Variants in CNBD1 observed in about 807,000 individuals in gnomAD.
CNBD1 encodes the protein cyclic nucleotide binding domain containing 1.
CNBD1 carries 71 observed loss-of-function variants against 54.4 expected under a neutral mutation model. That is an observed-to-expected ratio of 1.30 (90% confidence interval 1.08 to 1.59). CNBD1 has a LOEUF of 1.59. Ranked by LOEUF, CNBD1 falls within the 40% of genes most tolerant of loss-of-function variation. The pLI is 0.00. For synonymous variants in CNBD1, 182 were observed against 170.7 expected, an observed-to-expected ratio of 1.07 and a Z score of -0.51; for missense variants, 659 against 518.0, an observed-to-expected ratio of 1.27 and a Z score of -2.64.
chr8:87,018,448 C>G (rs1169042864), intron 4 of CNBD1, among the ~76,000 whole-genome samples: 1 of 152,022 alleles, frequency 6.6e-6, no homozygotes. Context: ...GGATTTCAGC[C>G]TTAACTTTTT....
In CNBD1 at chr8:86,887,917, T is replaced by A. The variant is rs991138566; in HGVS notation, c.158+306T>A. The stretch of plus-strand genomic sequence containing the variant: ...AGTGGTTGAAAACACACATACTGAA[T>A]GAAATAAGTACCTGAGCAGTGAATA... On this transcript the variant is annotated intron_variant, in intron 2 of 10. Coordinates refer to ENST00000518476, the MANE Select transcript of CNBD1 (RefSeq NM_173538.3). Among the ~76,000 whole-genome samples, 4 of 152,132 alleles carry A rather than the reference T, an allele frequency of 2.6e-5. No homozygotes were observed. The East Asian group carries it at 7.7e-4, about 29-fold the overall frequency.
At chr8:87,092,457 A>ATG (rs200068900) in intron 4 of CNBD1, among the ~76,000 whole-genome samples, 8 of 130,192 alleles carry the variant, frequency 6.1e-5, no homozygotes, top group Non-Finnish European at 9.3e-5. Flanking sequence ...ATATACACAT[A>ATG]TGTGTGTGTG....
Position 87,097,853 on chromosome 8 carries a change from A to T in CNBD1, c.432-108140A>T, listed in dbSNP as rs78275549. On this transcript the variant is annotated intron_variant, in intron 4 of 10. Transcript: ENST00000518476. Reference sequence around the variant, plus strand: ...CCCTAACAGGTAAATTAACTTCGTGATCTGTCAGATTCCACTGGAGTCATC... The same window carrying T: ...CCCTAACAGGTAAATTAACTTCGTGTTCTGTCAGATTCCACTGGAGTCATC... 2.9e-3 allele frequency among the ~76,000 whole-genome samples: 447 copies of T among 152,310 alleles called. 3 individuals carry two copies. The highest frequency in any genetic ancestry group is 0.01 in the African/African-American group (420 of 41,578).
At chr8:87,060,351 A>T (rs1810516139) in intron 4 of CNBD1, among the ~76,000 whole-genome samples, 1 of 152,252 alleles carries the variant, frequency 6.6e-6, no homozygotes, top group African/African-American at 2.4e-5. Flanking sequence ...GAAACATTAA[A>T]GTCCTATATT....
chr8:87,110,086 G>A (rs925961546), intron 4 of CNBD1, among the ~76,000 whole-genome samples: 2 of 152,156 alleles, frequency 1.3e-5, no homozygotes, highest in Non-Finnish European at 2.9e-5. Context: ...CACAGTGAAT[G>A]AATGACCTGA....
chr8:87,206,717 T>A (rs1239071886), intron 5 of CNBD1, among the ~76,000 whole-genome samples: 1 of 152,176 alleles, frequency 6.6e-6, no homozygotes, highest in African/African-American at 2.4e-5. Context: ...AATAGACTTG[T>A]TATATTTTAA....
chr8:87,033,306 A>T (rs1334342525), intron 4 of CNBD1, among the ~76,000 whole-genome samples: 1 of 152,164 alleles, frequency 6.6e-6, no homozygotes, highest in Non-Finnish European at 1.5e-5. Context: ...GGGCAAGTAG[A>T]CCACTTCAGT....
In CNBD1 at chr8:87,305,587, A is replaced by G. The variant is rs1229537116; in HGVS notation, c.1042+18916A>G. Among the ~76,000 whole-genome samples, 8 of 152,072 alleles carry G rather than the reference A, an allele frequency of 5.3e-5. No homozygotes were observed. The South Asian group carries it at 1.5e-3, about 28-fold the overall frequency. On this transcript the variant is annotated intron_variant, in intron 8 of 10. Coordinates refer to ENST00000518476, the MANE Select transcript of CNBD1 (RefSeq NM_173538.3). ...AGACCCATGGAACAGAATAGAGAAC[A>G]CAGAAATAAACCCAAGTACTTACAG...
chr8:87,205,972 G>GTT, intron 4 of CNBD1, 21 bp from the exon 5 acceptor site: 1 of 1,386,404 alleles, frequency 7.2e-7, no homozygotes, highest in Non-Finnish European at 9.5e-7. Context: ...CTCTGAATTT[G>GTT]TATTTTTTTT....
chr8:87,215,259 A>C (rs529106429), intron 5 of CNBD1, among the ~76,000 whole-genome samples: 21 of 152,284 alleles, frequency 1.4e-4, no homozygotes, highest in Non-Finnish European at 2.5e-4. Flanking sequence ...CTTTTATATG[A>C]AATCTCCAGA....
chr8:87,014,674 A>G (rs553676266), intron 4 of CNBD1, among the ~76,000 whole-genome samples: 2 of 152,250 alleles, frequency 1.3e-5, no homozygotes, highest in East Asian at 1.9e-4. Flanking sequence ...ATTATTTGAT[A>G]TAAGTATCTG....
intron 4 of CNBD1, among the ~76,000 whole-genome samples, chr8:86,941,347 A>G (rs540530333): frequency 9.8e-5 from 15 of 152,318 alleles, no homozygotes; most frequent in Non-Finnish European, 1.6e-4. Flanking sequence ...AATCGCTAAA[A>G]CACTGAAAGT....
At chr8:86,930,110 C>A (rs547382278) in intron 3 of CNBD1, among the ~76,000 whole-genome samples, 91 of 152,264 alleles carry the variant, frequency 6.0e-4, no homozygotes, top group Non-Finnish European at 9.4e-4. Flanking sequence ...TATAGAGTGG[C>A]CTGGCCATCT....
intron 10 of CNBD1, among the ~76,000 whole-genome samples, chr8:87,379,154 C>T (rs1811018956): frequency 6.6e-6 from 1 of 151,854 alleles, no homozygotes; most frequent in Non-Finnish European, 1.5e-5. Context: ...ATTTCCTTCT[C>T]CTGCCTAATT....
intron 4 of CNBD1, among the ~76,000 whole-genome samples, chr8:87,193,413 G>A (rs957260773): frequency 6.6e-6 from 1 of 152,098 alleles, no homozygotes; most frequent in Non-Finnish European, 1.5e-5. Context: ...ACTCATAATT[G>A]CCAGACAGAA....
intron 4 of CNBD1, among the ~76,000 whole-genome samples, chr8:86,956,115 A>C (rs1342369507): frequency 6.6e-6 from 1 of 151,916 alleles, no homozygotes; most frequent in Non-Finnish European, 1.5e-5. Context: ...TGTTTTTCTC[A>C]GGTTCGTCAA....
intron 4 of CNBD1, among the ~76,000 whole-genome samples, chr8:87,006,729 C>A (rs889173169): frequency 3.3e-5 from 5 of 152,124 alleles, no homozygotes; most frequent in African/African-American, 1.2e-4. Flanking sequence ...GAGATCTGGG[C>A]AGGGACAGAT....
At chr8:87,298,232 C>A (rs994044528) in intron 8 of CNBD1, among the ~76,000 whole-genome samples, 3 of 151,702 alleles carry the variant, frequency 2.0e-5, no homozygotes, top group Non-Finnish European at 4.4e-5. Context: ...ATAGACTATG[C>A]ATGTTTATAG....
At chr8:87,311,055 C>A (rs1034511875) in intron 8 of CNBD1, among the ~76,000 whole-genome samples, 2 of 151,974 alleles carry the variant, frequency 1.3e-5, no homozygotes, top group South Asian at 4.1e-4. Context: ...GAATTTATGG[C>A]TAAATCCTCA....
Sources: allele counts gnomAD v4.1 joint callset (sites outside exome capture counted in the v4.1 genomes callset), GRCh38; gene constraint gnomAD v4.1.1; transcripts MANE v1.5; gene names NCBI Gene and HGNC (gene_info 2026-07-23, HGNC 2026-07-21).